The following ZPLD1 variants were observed in gnomAD, a reference collection of about 807,000 sequenced individuals.
ZPLD1 encodes the protein zona pellucida-like domain-containing protein 1.
In ZPLD1, 34 loss-of-function variants were observed where a neutral mutation model predicts 47.2. The observed-to-expected ratio is 0.72, with a 90% confidence interval of 0.55 to 0.96. The LOEUF is 0.96. Among genes scored for constraint, ZPLD1 ranks in the 40% least tolerant of loss-of-function variants. ZPLD1 has a pLI of 0.00. For missense variants in ZPLD1, 512 were observed against 505.8 expected, an observed-to-expected ratio of 1.01 and a Z score of -0.12; for synonymous variants, 176 against 186.2, an observed-to-expected ratio of 0.95 and a Z score of 0.45.
intron 7 of ZPLD1, among the ~76,000 whole-genome samples, chr3:102,396,120 G>A (rs1467212451): frequency 1.3e-5 from 2 of 152,172 alleles, no homozygotes; most frequent in South Asian, 2.1e-4. Context: ...GAAAACCTAG[G>A]AGAAGCATTT....
chr3:102,457,810 A>C lies in ZPLD1; in HGVS notation c.539A>C (p.Asn180Thr). The change falls in exon 6 of 12, where the codon AAC (asparagine) becomes ACC (threonine). Residue 180 changes from asparagine to threonine, a missense_variant. By Grantham distance (65) the Asn-to-Thr change is moderately conservative (BLOSUM62 0). Coordinates refer to ENST00000466937, the MANE Select transcript of ZPLD1 (RefSeq NM_001329788.2). Reference protein sequence around the residue: ...SSSAAISVRENNGTFVSTLNL... With the variant: ...SSSAAISVRETNGTFVSTLNL... ...TCAGCGGCTATTTCTGTGAGAGAGA[A>C]CAATGGCACATTTGTCAGCACTTTG... 6.2e-7 allele frequency: 1 copy of C among 1,614,000 alleles called. No homozygotes were observed. The highest frequency in any genetic ancestry group is 2.2e-5 in the East Asian group (1 of 44,826).
chr3:102,476,981 T>A (rs371459296), intron 10 of ZPLD1, 31 bp from the exon 11 acceptor site: 3 of 1,608,688 alleles, frequency 1.9e-6, no homozygotes, highest in African/African-American at 2.7e-5. Flanking sequence ...AGAGATGATG[T>A]CACTTCTCTT....
chr3:102,438,882 CTT>C (rs1243977550), intron 3 of ZPLD1, among the ~76,000 whole-genome samples: 2 of 151,952 alleles, frequency 1.3e-5, no homozygotes, highest in East Asian at 1.9e-4. Context: ...AAATTTGTGT[CTT>C]TTTTTCTCAT....
chr3:102,397,947 A>G (rs1179529674), intron 7 of ZPLD1, among the ~76,000 whole-genome samples: 1 of 152,142 alleles, frequency 6.6e-6, no homozygotes, highest in African/African-American at 2.4e-5. Flanking sequence ...GTGGTGAACT[A>G]AGTAATAATT....
At chr3:102,390,878 C>T (rs890558154) in intron 6 of ZPLD1, among the ~76,000 whole-genome samples, 3 of 151,998 alleles carry the variant, frequency 2.0e-5, no homozygotes, top group African/African-American at 7.3e-5. Context: ...AAGCTGCTGA[C>T]ATTGGAAAGC....
intron 7 of ZPLD1, among the ~76,000 whole-genome samples, chr3:102,398,220 C>T (rs1023574579): frequency 1.3e-5 from 2 of 151,832 alleles, no homozygotes; most frequent in Admixed American, 6.6e-5. Context: ...ATACTCTTGA[C>T]CTTTGGTATA....
intron 8 of ZPLD1, among the ~76,000 whole-genome samples, chr3:102,468,492 A>T (rs1216203661): frequency 6.6e-6 from 1 of 152,178 alleles, no homozygotes; most frequent in South Asian, 2.1e-4. Context: ...ATACGGAAAG[A>T]TCTCTAACAC....
rs765653600 is a variant in ZPLD1, at chr3:102,477,547, C to A, written c.1177C>A (p.Leu393Met). ...GAGCTTTTCTCTTCTTCTGTGCTCA[C>A]TGGCCCTTCTGCACAGGAAGGGACC... is the stretch of plus-strand genomic sequence containing the variant. Reference protein sequence around the residue: ...VTSFSLLLCSLALLHRKGPTS... With the variant: ...VTSFSLLLCSMALLHRKGPTS... Residue 393 changes from leucine to methionine, a missense_variant, in exon 12 of 12, where the codon CTG (leucine) becomes ATG (methionine). Transcript: ENST00000466937. 6.2e-7 allele frequency: 1 copy of A among 1,613,858 alleles called. No individual in the cohort carries two copies. The highest frequency in any genetic ancestry group is 8.5e-7 in the Non-Finnish European group (1 of 1,179,784).
rs576775901 is a variant in ZPLD1 at position 102,416,008 on chromosome 3, A to G, written c.-156-2052A>G. ...GCTATCAGATACTGATGAATATTTTATATGCCTAAAATTATTCCCTGATAG... is the reference window on the plus strand; with the variant it reads ...GCTATCAGATACTGATGAATATTTTGTATGCCTAAAATTATTCCCTGATAG... On this transcript the variant is annotated intron_variant, in intron 7 of 17. Coordinates refer to the ZPLD1 transcript ENST00000491959. Among the ~76,000 whole-genome samples, 8 of 152,000 alleles carry G rather than the reference A, an allele frequency of 5.3e-5. No homozygotes were observed. The East Asian group carries it at 5.8e-4, about 11-fold the overall frequency.
intron 3 of ZPLD1, among the ~76,000 whole-genome samples, chr3:102,452,254 A>ATT (rs34069463): frequency 1.5e-5 from 2 of 133,388 alleles, no homozygotes; most frequent in African/African-American, 2.8e-5. Flanking sequence ...TGTTTAGGTC[A>ATT]TTTTTTTTTT....
At chr3:102,471,427 T>C (rs1365744946) in intron 10 of ZPLD1, among the ~76,000 whole-genome samples, 1 of 152,216 alleles carries the variant, frequency 6.6e-6, no homozygotes, top group Non-Finnish European at 1.5e-5. Flanking sequence ...GAATTCTGCA[T>C]ATTACATACT....
At chr3:102,468,679 G>C (rs1034465123) in intron 8 of ZPLD1, among the ~76,000 whole-genome samples, 1 of 152,172 alleles carries the variant, frequency 6.6e-6, no homozygotes, top group East Asian at 1.9e-4. Context: ...ACCTCTGGCA[G>C]GTTTCTATGT....
intron 3 of ZPLD1, among the ~76,000 whole-genome samples, chr3:102,444,026 T>C (rs1182407885): frequency 6.6e-6 from 1 of 152,236 alleles, no homozygotes; most frequent in Non-Finnish European, 1.5e-5. Context: ...TAATTTACAA[T>C]GATAAAGTGC....
intron 3 of ZPLD1, among the ~76,000 whole-genome samples, chr3:102,452,114 C>CGTGTGT (rs56086826): frequency 9.9e-5 from 14 of 141,808 alleles, no homozygotes; most frequent in Middle Eastern, 3.5e-3. Flanking sequence ...ATATGAAGAC[C>CGTGTGT]GTGTGTGTGT....
intron 7 of ZPLD1, among the ~76,000 whole-genome samples, chr3:102,400,436 C>T (rs1330140757): frequency 6.6e-6 from 1 of 152,036 alleles, no homozygotes; most frequent in Non-Finnish European, 1.5e-5. Flanking sequence ...AAAGTCTGAG[C>T]TGTGTTTTTC....
chr3:102,457,705 C>A, intron 5 of ZPLD1, 76 bp from the exon 6 acceptor site: 4 of 1,321,580 alleles, frequency 3.0e-6, no homozygotes, highest in Non-Finnish European at 3.3e-6. Context: ...AGTTTTAGTG[C>A]TTTAAGTCTA....
chr3:102,394,208 G>A (rs1050305839), intron 7 of ZPLD1, among the ~76,000 whole-genome samples: 1 of 152,032 alleles, frequency 6.6e-6, no homozygotes, highest in Non-Finnish European at 1.5e-5. Flanking sequence ...GACCTGCTAG[G>A]GCATCTATTT....
intron 8 of ZPLD1, among the ~76,000 whole-genome samples, chr3:102,468,336 T>C (rs1435239430): frequency 2.6e-5 from 4 of 152,208 alleles, no homozygotes; most frequent in African/African-American, 9.6e-5. Flanking sequence ...TATTGTAAGA[T>C]TATTCATTAT....
chr3:102,457,284 T>G lies in ZPLD1; in HGVS notation c.510-497T>G, dbSNP rs375582766. On this transcript the variant is annotated intron_variant, in intron 5 of 11. Coordinates refer to ENST00000466937, the MANE Select transcript of ZPLD1 (RefSeq NM_001329788.2). ...GGAAAGGCCTCGAGTCAAAACAATA[T>G]GGGTGTACAGGGAAGCATCTCTCAC... 2.0e-5 allele frequency among the ~76,000 whole-genome samples: 3 copies of G among 152,290 alleles called. No individual in the cohort carries two copies. In the South Asian group the frequency reaches 6.2e-4, roughly 32 times the overall value.
Sources: gnomAD v4.1 joint callset for allele counts (sites outside exome capture counted in the v4.1 genomes callset) on GRCh38, gnomAD v4.1.1 for gene constraint, MANE v1.5 for transcripts, NCBI Gene and HGNC (gene_info 2026-07-23, HGNC 2026-07-21) for gene names.